Variants in GATAD2B observed in about 807,000 individuals in gnomAD.
GATAD2B encodes transcriptional repressor p66-beta.
In GATAD2B, 8 loss-of-function variants were observed where a neutral mutation model predicts 64.3. The ratio of observed to expected loss-of-function variants is 0.12; its 90% CI spans 0.07 to 0.22. The LOEUF (loss-of-function observed/expected upper bound fraction) is 0.22. GATAD2B is among the 10% of genes least tolerant of loss of function. GATAD2B has a pLI of 1.00. For missense variants in GATAD2B, 453 were observed against 752.0 expected (o/e 0.60, Z 4.65); for synonymous variants, 281 against 271.3 (o/e 1.04, Z -0.35).
chr1:153,910,919 AC>A (rs1233182768), intron 1 of GATAD2B, among the ~76,000 whole-genome samples: 3 of 152,200 alleles, frequency 2.0e-5, no homozygotes, highest in African/African-American at 7.2e-5. Context: ...TTTTCAACTT[AC>A]AATAAGTTTA....
chr1:153,857,893 T>C (rs766953346), intron 1 of GATAD2B, among the ~76,000 whole-genome samples: 1 of 152,234 alleles, frequency 6.6e-6, no homozygotes, highest in Admixed American at 6.5e-5. Flanking sequence ...TTCCATCTCA[T>C]TGAAGAGGTC....
chr1:153,816,181 A>T lies in GATAD2B; in HGVS notation c.1216+92T>A. ...TGGTAACAGGAAGGAGAAGTTATTT[A>T]ATATTGTACAGTACCCTCTGATACT... On this transcript the variant is annotated intron_variant, in intron 7 of 10. Coordinates refer to ENST00000368655, the MANE Select transcript of GATAD2B (RefSeq NM_020699.4). The surrounding 1 kb of genome is among the most constrained non-coding windows in gnomAD (Gnocchi z 4.9). 1.3e-6 allele frequency: 1 copy of T among 794,838 alleles called. No homozygotes were observed. The highest frequency in any genetic ancestry group is 2.1e-6 in the Non-Finnish European group (1 of 477,266). The allele number at this position is 794,838 out of a possible 1,614,324, so 49.2% of individuals were successfully genotyped here. A position where few individuals can be genotyped will look rare whatever the true frequency, so the allele number is the denominator to read the frequency against.
chr1:153,864,357 G>A (rs150903987), intron 1 of GATAD2B, among the ~76,000 whole-genome samples: 157 of 152,308 alleles, frequency 1.0e-3, no homozygotes, highest in African/African-American at 3.7e-3. Flanking sequence ...AGGTTCACAT[G>A]TGTAATTTCA....
At chr1:153,907,298 A>T (rs1387387876) in intron 1 of GATAD2B, among the ~76,000 whole-genome samples, 1 of 152,254 alleles carries the variant, frequency 6.6e-6, no homozygotes, top group African/African-American at 2.4e-5. Context: ...TGAGATATTT[A>T]CATACAAAGG....
chr1:153,829,818 G>A (rs1300493507), intron 1 of GATAD2B, among the ~76,000 whole-genome samples: 2 of 151,906 alleles, frequency 1.3e-5, no homozygotes, highest in Admixed American at 1.3e-4. Context: ...ACGAAACAGG[G>A]GCCGGGTGCA....
intron 1 of GATAD2B, among the ~76,000 whole-genome samples, chr1:153,829,814 CAG>C (rs1343941854): frequency 2.0e-5 from 3 of 151,976 alleles, no homozygotes; most frequent in South Asian, 2.1e-4. Context: ...TAAAACGAAA[CAG>C]GGGCCGGGTG....
At chr1:153,875,516 G>A (rs1288128301) in intron 1 of GATAD2B, among the ~76,000 whole-genome samples, 1 of 152,078 alleles carries the variant, frequency 6.6e-6, no homozygotes, top group Non-Finnish European at 1.5e-5. Context: ...TAAAGGACCA[G>A]ATAATAACAT....
rs1224448875 is a variant in GATAD2B, at chr1:153,893,609, CA to C, written c.-2+29123del. 4.3e-3 allele frequency among the ~76,000 whole-genome samples: 612 copies of C among 141,148 alleles called. 6 individuals are homozygous for C. Among genetic ancestry groups the C allele is most frequent in the Middle Eastern group, 0.018 (5 of 274 alleles). The allele number at this position is 141,148 out of a possible 152,430, so 92.6% of individuals were successfully genotyped here. A position where few individuals can be genotyped will look rare whatever the true frequency, so the allele number is the denominator to read the frequency against. On this transcript the variant is annotated intron_variant, in intron 1 of 10. Coordinates refer to ENST00000368655, the MANE Select transcript of GATAD2B (RefSeq NM_020699.4). ...TGGGCAACAGAGCAAGACTCTGTCT[CA>C]AAAAAAAAAATAAAATAAGTTTACC...
intron 1 of GATAD2B, among the ~76,000 whole-genome samples, chr1:153,862,808 T>A (rs1676356136): frequency 6.8e-6 from 1 of 147,746 alleles, no homozygotes; most frequent in South Asian, 2.1e-4. Context: ...CACCACAACC[T>A]CCACCTCCCG....
intron 1 of GATAD2B, among the ~76,000 whole-genome samples, chr1:153,862,118 CTTTTTTTTTTTT>C (rs754580519): frequency 4.9e-5 from 5 of 101,184 alleles, no homozygotes; most frequent in African/African-American, 1.5e-4. Flanking sequence ...ACATTATATC[CTTTTTTTTTTTT>C]TTTTTTTTTT....
intron 1 of GATAD2B, among the ~76,000 whole-genome samples, chr1:153,830,352 T>C (rs1158836061): frequency 6.6e-6 from 1 of 152,096 alleles, no homozygotes; most frequent in Non-Finnish European, 1.5e-5. Context: ...TTCACCATGT[T>C]GGCCAGGATG....
At position 153,821,630 on chromosome 1, in the gene GATAD2B, G is replaced by A. The variant is rs536543335; in HGVS notation, c.336-1895C>T. On this transcript the variant is annotated intron_variant, in intron 2 of 10. Transcript: ENST00000368655. ...CGCCCAGGCTGGAGTGCAATGGCGC[G>A]ATCTCGGCTCACTGGAACCTCCGTC... is the stretch of plus-strand genomic sequence containing the variant. Among the ~76,000 whole-genome samples, 12 of 151,996 alleles carry A rather than the reference G, an allele frequency of 7.9e-5. 1 individual carries two copies. The highest frequency in any genetic ancestry group is 2.9e-4 in the African/African-American group (12 of 41,480).
In GATAD2B at chr1:153,809,871, T is replaced by C. The variant is rs1354572218; in HGVS notation, c.*306A>G. 1 of 255,620 alleles carries C rather than the reference T, an allele frequency of 3.9e-6. No individual in the cohort carries two copies. The highest frequency in any genetic ancestry group is 2.2e-5 in the African/African-American group (1 of 44,656). The allele number at this position is 255,620 out of a possible 1,614,324, so 15.8% of individuals were successfully genotyped here. On this transcript the variant is annotated 3_prime_UTR_variant, in exon 11 of 11. Coordinates refer to ENST00000368655, the MANE Select transcript of GATAD2B (RefSeq NM_020699.4). ...CTTTAGAAACACACATCGGAGGGCT[T>C]AGATTCTCCCCAGGACCTCATTCTG...
At chr1:153,818,644 T>TA (rs1174432631) in intron 4 of GATAD2B, 147 bp downstream of exon 4, 1,461 of 621,234 alleles carry the variant, frequency 2.4e-3, no homozygotes, top group African/African-American at 5.9e-3. Flanking sequence ...GGCCTAAGAT[T>TA]AAAAAAAAAA....
chr1:153,900,651 G>A (rs1323778660), intron 1 of GATAD2B, among the ~76,000 whole-genome samples: 1 of 152,090 alleles, frequency 6.6e-6, no homozygotes, highest in South Asian at 2.1e-4. Flanking sequence ...CCAAGTAGTT[G>A]CAACTACAGG....
At chr1:153,855,499 G>C (rs1676053055) in intron 1 of GATAD2B, among the ~76,000 whole-genome samples, 1 of 152,088 alleles carries the variant, frequency 6.6e-6, no homozygotes, top group South Asian at 2.1e-4. Flanking sequence ...CAAAGTGCTG[G>C]GATTACGGGC....
intron 1 of GATAD2B, among the ~76,000 whole-genome samples, chr1:153,900,460 T>C (rs977154485): frequency 1.3e-5 from 2 of 152,112 alleles, no homozygotes; most frequent in African/African-American, 4.8e-5. Context: ...TCCAGTAATA[T>C]GACCATTAAT....
At chr1:153,855,726 G>A in intron 1 of GATAD2B, among the ~76,000 whole-genome samples, 1 of 151,990 alleles carries the variant, frequency 6.6e-6, no homozygotes, top group Non-Finnish European at 1.5e-5. Flanking sequence ...CTGGGCTGGA[G>A]TACAGTGGCA....
At position 153,834,600 on chromosome 1, in the gene GATAD2B, G is replaced by A. The variant is rs548800784; in HGVS notation, c.-1-6252C>T. Among the ~76,000 whole-genome samples, 40 of 151,690 alleles carry A rather than the reference G, an allele frequency of 2.6e-4. 1 individual carries two copies. Among genetic ancestry groups the A allele is most frequent in the Admixed American group, 1.8e-3 (28 of 15,202 alleles). ...AGAAAGGGTTTCTCCATGTTGGTCA[G>A]GCTGGTCTCGCACTCCCGACCTCAG... On this transcript the variant is annotated intron_variant, in intron 1 of 10. Transcript: ENST00000368655.
Sources: gnomAD v4.1 joint callset for allele counts (sites outside exome capture counted in the v4.1 genomes callset) on GRCh38, gnomAD v4.1.1 for gene constraint, Gnocchi (gnomAD v3.1) non-coding constraint, MANE v1.5 for transcripts, NCBI Gene and HGNC (gene_info 2026-07-23, HGNC 2026-07-21) for gene names.